The following AQR variants were observed in gnomAD, a reference collection of about 807,000 sequenced individuals.
AQR encodes RNA helicase aquarius.
A neutral mutation model predicts 180.5 loss-of-function variants in AQR; 61 were observed. The observed-to-expected ratio is 0.34, with a 90% CI of 0.28 to 0.42. AQR has a LOEUF of 0.42. Ranked by LOEUF, AQR falls within the 10% of genes least tolerant of loss-of-function variation. The probability of loss-of-function intolerance (pLI) is 1.00; values close to 1 mark genes in which losing one functional copy is unlikely to be tolerated. For missense variants in AQR, 1,281 were observed against 1,798.3 expected (o/e 0.71, Z 5.20); for synonymous variants, 551 against 588.8 (o/e 0.94, Z 0.93).
intron 32 of AQR, among the ~76,000 whole-genome samples, chr15:34,866,044 T>C (rs967697289): frequency 6.6e-6 from 1 of 152,130 alleles, no homozygotes; most frequent in South Asian, 2.1e-4. Flanking sequence ...ATAAATTGTA[T>C]ACGCAAATTA....
intron 16 of AQR, among the ~76,000 whole-genome samples, chr15:34,912,461 C>T (rs927885334): frequency 6.6e-6 from 1 of 151,596 alleles, no homozygotes; most frequent in Non-Finnish European, 1.5e-5. Flanking sequence ...TCATAAAGAC[C>T]ATTTCAATTG....
At chr15:34,942,938 A>G in intron 6 of AQR, 1 of 932,920 alleles carries the variant, frequency 1.1e-6, no homozygotes, top group Non-Finnish European at 1.6e-6. Context: ...GGCTAAAACT[A>G]TCACCAAATT....
At chr15:34,898,400 G>A (rs1328591419) in intron 20 of AQR, among the ~76,000 whole-genome samples, 1 of 152,196 alleles carries the variant, frequency 6.6e-6, no homozygotes, top group Non-Finnish European at 1.5e-5. Context: ...AATGCTAAGA[G>A]CCAATGAGGC....
chr15:34,952,696 A>T (rs1464087052), intron 4 of AQR, among the ~76,000 whole-genome samples, 189 bp downstream of exon 4: 1 of 152,250 alleles, frequency 6.6e-6, no homozygotes, highest in Non-Finnish European at 1.5e-5. Context: ...AACACAAGCT[A>T]TTCTGGCAAT....
chr15:34,963,877 T>C (rs1169731691), intron 2 of AQR, among the ~76,000 whole-genome samples: 4 of 149,356 alleles, frequency 2.7e-5, no homozygotes, highest in African/African-American at 7.4e-5. Flanking sequence ...GTTGGTCAGA[T>C]GGTCTCGATC....
intron 10 of AQR, among the ~76,000 whole-genome samples, chr15:34,933,344 T>C (rs999013035): frequency 6.6e-6 from 1 of 152,210 alleles, no homozygotes; most frequent in African/African-American, 2.4e-5. Context: ...AAGGAACAGA[T>C]TTTCTTTCAA....
chr15:34,900,699 C>G lies in AQR; in HGVS notation c.2166G>C (p.Glu722Asp). ...GACCAGGGAAGCTGGCTTTTAAATG[C>G]TCAATGGAGAGAAATGTATCATTGA... Reference protein sequence around the residue: ...LDFNDTFLSIEHLKASFPGHN... With the variant: ...LDFNDTFLSIDHLKASFPGHN... The change falls in exon 20 of 35, where the codon GAG becomes GAC. Residue 722 changes from glutamate (E) to aspartate (D), a missense_variant. Around this residue, in one of 9 missense-constraint regions of AQR, gnomAD observed 112 missense variants for 128.6 expected, o/e 0.87. Transcript: ENST00000156471. 1 of 1,614,122 alleles carries G rather than the reference C, an allele frequency of 6.2e-7. No homozygotes were observed. The highest frequency in any genetic ancestry group is 8.5e-7 in the Non-Finnish European group (1 of 1,180,000).
chr15:34,870,961 T>C (rs748380916), intron 30 of AQR, 39 bp from the exon 31 acceptor site: 13 of 1,577,420 alleles, frequency 8.2e-6, no homozygotes, highest in African/African-American at 1.4e-5. Flanking sequence ...ATTCATTTGC[T>C]TTTGTTTCAA....
intron 17 of AQR, among the ~76,000 whole-genome samples, chr15:34,907,828 T>C (rs1893442142): frequency 6.6e-6 from 1 of 152,328 alleles, no homozygotes; most frequent in East Asian, 1.9e-4. Flanking sequence ...TGAGAAGTCA[T>C]TTATCCTCTC....
At chr15:34,896,613 C>T (rs1328286688) in intron 22 of AQR, among the ~76,000 whole-genome samples, 2 of 151,358 alleles carry the variant, frequency 1.3e-5, no homozygotes, top group Admixed American at 6.6e-5. Context: ...ATTGGGAGGC[C>T]GAGGCAGGTG....
At chr15:34,948,203 C>T in intron 5 of AQR, 61 bp downstream of exon 5, 1 of 1,561,540 alleles carries the variant, frequency 6.4e-7, no homozygotes, top group Non-Finnish European at 8.7e-7. Flanking sequence ...AAAAGTTCTG[C>T]CACTTTGTAA....
intron 20 of AQR, among the ~76,000 whole-genome samples, chr15:34,899,582 G>A (rs1421130346): frequency 6.6e-6 from 1 of 151,408 alleles, no homozygotes; most frequent in African/African-American, 2.4e-5. Context: ...AGTTGCCCAG[G>A]GTGGTCTGGA....
Position 34,856,825 on chromosome 15 carries a change from C to T in AQR, c.4425G>A (p.Gln1475=). Residue 1475 remains glutamine (Q), a synonymous_variant, in exon 35 of 35, where the codon CAG becomes CAA. Coordinates refer to ENST00000156471, the MANE Select transcript of AQR (RefSeq NM_014691.3). The part of the protein sequence containing the change: ...VSAPAEANTP[Q]DATSAPEETK ...TCTCTTCCGGGGCAGATGTGGCATC[C>T]TGAGGTGTGTTAGCTTCTGCCGGTG... 1 of 1,588,880 alleles carries T rather than the reference C, an allele frequency of 6.3e-7. No individual in the cohort carries two copies. Among genetic ancestry groups the T allele is most frequent in the South Asian group, 1.2e-5 (1 of 85,792 alleles).
rs200045468 is a variant in AQR, at chr15:34,857,126, C to A, written c.4144-20G>T. The A allele has an allele frequency of 7.9e-6, 11 of 1,398,860 alleles. No individual in the cohort carries two copies. Among genetic ancestry groups the A allele is most frequent in the Middle Eastern group, 1.9e-4 (1 of 5,380 alleles). 86.7% of individuals were successfully genotyped at this position (1,398,860 alleles called of 1,614,324 possible). A position where few individuals can be genotyped will look rare whatever the true frequency, so the allele number is the denominator to read the frequency against. Reference sequence around the variant, plus strand: ...TAAAGTCTAATTAAAAAAAAAAAAACAAAGACAATACCAATATGAAAAACA... The same window carrying A: ...TAAAGTCTAATTAAAAAAAAAAAAAAAAAGACAATACCAATATGAAAAACA... On this transcript the variant is annotated intron_variant, in intron 34 of 34. Transcript: ENST00000156471.
chr15:34,885,396 C>G (rs1432397854), intron 25 of AQR, among the ~76,000 whole-genome samples: 1 of 152,122 alleles, frequency 6.6e-6, no homozygotes, highest in African/African-American at 2.4e-5. Context: ...AAAGTGTAGT[C>G]CTTATGCAAA....
chr15:34,917,995 A>C (rs190772882), intron 15 of AQR, among the ~76,000 whole-genome samples: 1,633 of 151,886 alleles, frequency 0.011, 27 homozygotes, highest in African/African-American at 0.036. Context: ...ACTAACAAAC[A>C]AAAAAAACCA....
intron 32 of AQR, among the ~76,000 whole-genome samples, chr15:34,864,094 A>C (rs551569968): frequency 6.6e-6 from 1 of 152,136 alleles, no homozygotes; most frequent in East Asian, 1.9e-4. Flanking sequence ...CAGGAATTGG[A>C]ATATTTATCT....
chr15:34,900,940 G>GC (rs1199256922), intron 19 of AQR, 77 bp from the exon 20 acceptor site: 1 of 1,490,448 alleles, frequency 6.7e-7, no homozygotes, highest in East Asian at 2.3e-5. Flanking sequence ...TGCAGAGCTG[G>GC]CTGCACTAAT....
chr15:34,957,961 G>A (rs1238459475), intron 3 of AQR, among the ~76,000 whole-genome samples: 3 of 152,122 alleles, frequency 2.0e-5, no homozygotes, highest in Non-Finnish European at 4.4e-5. Context: ...TGTAATCCCA[G>A]CACTTTGGGA....
Sources: allele counts gnomAD v4.1 joint callset (sites outside exome capture counted in the v4.1 genomes callset), GRCh38; gene constraint gnomAD v4.1.1; regional missense constraint gnomAD v4.1.1; transcripts MANE v1.5; gene names NCBI Gene and HGNC (gene_info 2026-07-23, HGNC 2026-07-21).